DARS1: variants seen among roughly 807,000 people sequenced by gnomAD.
DARS1 encodes aspartyl-tRNA synthetase 1, also known as aspartate--tRNA ligase, cytoplasmic.
DARS1 carries 51 observed loss-of-function variants against 68.8 expected under a neutral mutation model. The observed-to-expected ratio is 0.74, with a 90% CI of 0.59 to 0.94. The LOEUF (loss-of-function observed/expected upper bound fraction) is 0.94. Ranked by LOEUF, DARS1 falls within the 40% of genes least tolerant of loss-of-function variation. The probability of loss-of-function intolerance (pLI) is 0.00; values close to 1 mark genes in which losing one functional copy is unlikely to be tolerated. For missense variants in DARS1, 607 were observed against 597.3 expected, an observed-to-expected ratio of 1.02 and a Z score of -0.17; for synonymous variants, 203 against 190.4, an observed-to-expected ratio of 1.07 and a Z score of -0.55.
At chr2:135,921,949 C>T (rs1319600135) in intron 9 of DARS1, among the ~76,000 whole-genome samples, 5 of 152,086 alleles carry the variant, frequency 3.3e-5, no homozygotes, top group Admixed American at 3.3e-4. Flanking sequence ...GCCAGTTTCT[C>T]TATTAGCAAG....
In DARS1 at chr2:135,951,523, T is replaced by C. The variant is rs977457224; in HGVS notation, c.321-8043A>G. ...CACTTTCAAGAGTACAGTTTTGCTA[T>C]AAAGCTTGTTTTGAAAATGTGAATT... is the stretch of plus-strand genomic sequence containing the variant. On this transcript the variant is annotated intron_variant, in intron 4 of 15. Coordinates refer to ENST00000264161, the MANE Select transcript of DARS1 (RefSeq NM_001349.4). 2.6e-5 allele frequency among the ~76,000 whole-genome samples: 4 copies of C among 152,366 alleles called. No homozygotes were observed. In the East Asian group the frequency reaches 5.8e-4, roughly 22 times the overall value.
At chr2:135,947,761 T>G (rs1378188116) in intron 4 of DARS1, among the ~76,000 whole-genome samples, 1 of 151,748 alleles carries the variant, frequency 6.6e-6, no homozygotes, top group Non-Finnish European at 1.5e-5. Context: ...CAGCTCACTA[T>G]GAAATAATAC....
chr2:135,936,960 T>C (rs994886697), intron 5 of DARS1, among the ~76,000 whole-genome samples: 2 of 152,224 alleles, frequency 1.3e-5, no homozygotes, highest in Non-Finnish European at 2.9e-5. Context: ...CCATGCTGTC[T>C]TAAAGACTAC....
chr2:135,975,714 A>G (rs1682481982), intron 3 of DARS1, among the ~76,000 whole-genome samples: 1 of 148,422 alleles, frequency 6.7e-6, no homozygotes, highest in Admixed American at 6.9e-5. Flanking sequence ...AGACCACACC[A>G]CTGCACTCCA....
At chr2:135,925,296 A>C (rs1681190685) in intron 7 of DARS1, among the ~76,000 whole-genome samples, 1 of 152,198 alleles carries the variant, frequency 6.6e-6, no homozygotes, top group Non-Finnish European at 1.5e-5. Flanking sequence ...ATATTTTTAA[A>C]AAATAGCTAT....
intron 3 of DARS1, among the ~76,000 whole-genome samples, chr2:135,966,781 G>A (rs1429421910): frequency 1.3e-5 from 2 of 152,108 alleles, no homozygotes; most frequent in Non-Finnish European, 2.9e-5. Flanking sequence ...TGATCCACCT[G>A]CCTCAGCCTC....
At chr2:135,967,479 G>A (rs773741448) in intron 3 of DARS1, among the ~76,000 whole-genome samples, 2 of 152,202 alleles carry the variant, frequency 1.3e-5, no homozygotes, top group Non-Finnish European at 2.9e-5. Context: ...TATGTTTCAC[G>A]CTTGAAAGAA....
chr2:135,915,472 C>T (rs1470799397), intron 11 of DARS1, among the ~76,000 whole-genome samples: 2 of 151,978 alleles, frequency 1.3e-5, no homozygotes, highest in African/African-American at 4.8e-5. Flanking sequence ...TTTTTTTGTA[C>T]AGACAGCATC....
intron 2 of DARS1, among the ~76,000 whole-genome samples, chr2:135,981,486 CGGA>C (rs1411464112): frequency 6.6e-6 from 1 of 151,966 alleles, no homozygotes; most frequent in Non-Finnish European, 1.5e-5. Context: ...AGATGCTCAT[CGGA>C]GGATTTTGGA....
chr2:135,985,444 T>TG lies in DARS1; in HGVS notation c.24dup (p.Lys9GlnfsTer18), dbSNP rs1682756519. 6.2e-7 allele frequency: 1 copy of TG among 1,613,920 alleles called. No homozygotes were observed. The highest frequency in any genetic ancestry group is 8.5e-7 in the Non-Finnish European group (1 of 1,179,962). ...ATCTCCCGCGGCTTCTCCTGACTCT[T>TG]GCGGCTGGCGCTGGCGCTGGGCATC... On this transcript the variant is annotated frameshift_variant, in exon 1 of 16. Transcript: ENST00000264161. LOFTEE classifies it high-confidence loss of function.
At chr2:135,967,365 C>G (rs537939346) in intron 3 of DARS1, among the ~76,000 whole-genome samples, 1 of 152,238 alleles carries the variant, frequency 6.6e-6, no homozygotes, top group African/African-American at 2.4e-5. Context: ...AAGAATAGTG[C>G]TGAAATAATT....
At position 135,907,238 on chromosome 2, in the gene DARS1, C is replaced by CTTTTTTT. The variant is rs869183598; in HGVS notation, c.*77_*78insAAAAAAA. 2.2e-4 allele frequency: 158 copies of CTTTTTTT among 725,314 alleles called. 1 individual carries two copies. The highest frequency in any genetic ancestry group is 1.1e-3 in the South Asian group (53 of 47,062). 44.9% of individuals were successfully genotyped at this position (725,314 alleles called of 1,614,324 possible). A position where few individuals can be genotyped will look rare whatever the true frequency, so the allele number is the denominator to read the frequency against. On this transcript the variant is annotated 3_prime_UTR_variant, in exon 16 of 16. Coordinates refer to ENST00000264161, the MANE Select transcript of DARS1 (RefSeq NM_001349.4). ...AGGTTACTGAAAAGAATAAGTGTGG[C>CTTTTTTT]TTTCTTTTTTTTTTTTTTTTTTTGA...
At chr2:135,942,170 T>C (rs1681617029) in intron 5 of DARS1, among the ~76,000 whole-genome samples, 1 of 152,062 alleles carries the variant, frequency 6.6e-6, no homozygotes, top group African/African-American at 2.4e-5. Flanking sequence ...ACCCAAAGGA[T>C]TATAAATCAT....
At chr2:135,930,794 G>A (rs1681325151) in intron 7 of DARS1, among the ~76,000 whole-genome samples, 1 of 152,188 alleles carries the variant, frequency 6.6e-6, no homozygotes, top group Non-Finnish European at 1.5e-5. Context: ...TAAGAGTGAG[G>A]TGAAATAAAG....
Position 135,911,197 on chromosome 2 carries a change from A to C in DARS1, c.1356T>G (p.Ile452Met). The C allele has an allele frequency of 6.6e-7, 1 of 1,526,270 alleles. No homozygotes were observed. Among genetic ancestry groups the C allele is most frequent in the Non-Finnish European group, 9.1e-7 (1 of 1,101,026 alleles). The allele number at this position is 1,526,270 out of a possible 1,614,324, so 94.5% of individuals were successfully genotyped here. A position where few individuals can be genotyped will look rare whatever the true frequency, so the allele number is the denominator to read the frequency against. ...ALHHGIDLEK[I>M]KAYIDSFRFG... ...AGCGGAAGGAATCAATGTAAGCCTT[A>C]ATTTTCTCCAAATCTGCAAAAAGAC... Residue 452 changes from isoleucine (I) to methionine (M), a missense_variant, in exon 15 of 16, where the codon ATT (isoleucine) becomes ATG (methionine). Transcript: ENST00000264161.
intron 3 of DARS1, among the ~76,000 whole-genome samples, chr2:135,968,788 G>C (rs893297220): frequency 4.0e-5 from 6 of 151,420 alleles, no homozygotes; most frequent in Admixed American, 4.0e-4. Flanking sequence ...CAGACTCCCA[G>C]GTAGCTGGGA....
At chr2:135,960,373 T>C (rs1302077978) in intron 4 of DARS1, among the ~76,000 whole-genome samples, 1 of 152,194 alleles carries the variant, frequency 6.6e-6, no homozygotes, top group East Asian at 1.9e-4. Context: ...ATCCTTTATA[T>C]GTATAACATT....
Position 135,920,450 on chromosome 2 carries a change from T to A in DARS1, c.959+3A>T, listed in dbSNP as rs372821057. On this transcript the variant is annotated splice_donor_region_variant and intron_variant, in intron 10 of 15. Coordinates refer to ENST00000264161, the MANE Select transcript of DARS1 (RefSeq NM_001349.4). ...CCATCTAGGTGCATAAAATACTTTTTACCTTTCTTGAAGTCCTTTGAATAT... is the reference window on the plus strand; with the variant it reads ...CCATCTAGGTGCATAAAATACTTTTAACCTTTCTTGAAGTCCTTTGAATAT... The A allele has an allele frequency of 1.2e-6, 2 of 1,611,012 alleles. No homozygotes were observed.
intron 11 of DARS1, 54 bp from the exon 12 acceptor site, chr2:135,914,565 A>T (rs1297632525): frequency 1.1e-6 from 1 of 944,354 alleles, no homozygotes; most frequent in Non-Finnish European, 1.8e-6. Context: ...ACTTAAAAAC[A>T]TTAATAAGGA....
Sources: gnomAD v4.1 joint callset for allele counts (sites outside exome capture counted in the v4.1 genomes callset) on GRCh38, gnomAD v4.1.1 for gene constraint, MANE v1.5 for transcripts, NCBI Gene and HGNC (gene_info 2026-07-23, HGNC 2026-07-21) for gene names.